The following GALNT17 variants were observed in gnomAD, a reference collection of about 807,000 sequenced individuals.
GALNT17 encodes the protein polypeptide N-acetylgalactosaminyltransferase 17.
In GALNT17, 29 loss-of-function variants were observed where a neutral mutation model predicts 63.7. That is an observed-to-expected ratio of 0.46 (90% CI 0.34 to 0.62). GALNT17 has a LOEUF of 0.62. Among genes scored for constraint, GALNT17 ranks in the 20% least tolerant of loss-of-function variants. The pLI, the probability that GALNT17 is intolerant of heterozygous loss-of-function variation, is 0.01. For missense variants in GALNT17, 603 were observed against 799.6 expected (o/e 0.75, Z 2.97); for synonymous variants, 305 against 318.3 (o/e 0.96, Z 0.45).
intron 1 of GALNT17, among the ~76,000 whole-genome samples, chr7:71,295,660 A>G (rs1225732334): frequency 1.3e-5 from 2 of 150,976 alleles, no homozygotes; most frequent in Admixed American, 1.3e-4. Context: ...GTTCCATAGA[A>G]TGGTCATAGC....
At position 71,358,415 on chromosome 7, in the gene GALNT17, A is replaced by G. The variant is rs188604983; in HGVS notation, c.422+22682A>G. Among the ~76,000 whole-genome samples, 14 of 152,154 alleles carry G rather than the reference A, an allele frequency of 9.2e-5. No homozygotes were observed. In the East Asian group the frequency reaches 2.7e-3, roughly 29 times the overall value. On this transcript the variant is annotated intron_variant, in intron 2 of 10. Coordinates refer to ENST00000333538, the MANE Select transcript of GALNT17 (RefSeq NM_022479.3). ...GTCTCAAAAAATAAATAAATAAATA[A>G]AGTTGTTTGTTACAGAACCTGATCT... is the stretch of plus-strand genomic sequence containing the variant.
chr7:71,361,910 G>A (rs1320573138), intron 2 of GALNT17, among the ~76,000 whole-genome samples: 1 of 152,114 alleles, frequency 6.6e-6, no homozygotes, highest in Non-Finnish European at 1.5e-5. Context: ...GCTAGGTGCT[G>A]TTCATGGCTG....
chr7:71,393,658 G>A (rs140674160), intron 3 of GALNT17, among the ~76,000 whole-genome samples: 72 of 152,186 alleles, frequency 4.7e-4, no homozygotes, highest in African/African-American at 1.7e-3. Context: ...CAGGGAATGG[G>A]TGTACAAAGC....
At chr7:71,539,527 A>G (rs1195628645) in intron 5 of GALNT17, among the ~76,000 whole-genome samples, 1 of 152,090 alleles carries the variant, frequency 6.6e-6, no homozygotes, top group African/African-American at 2.4e-5. Context: ...GCACTCATGA[A>G]TATACATGGT....
chr7:71,332,235 C>T (rs569614526), intron 1 of GALNT17, among the ~76,000 whole-genome samples: 2 of 151,932 alleles, frequency 1.3e-5, no homozygotes, highest in Admixed American at 6.6e-5. Flanking sequence ...ATTTTTGCCC[C>T]TAGTTCTGAG....
At chr7:71,473,307 G>T (rs1003347839) in intron 5 of GALNT17, among the ~76,000 whole-genome samples, 2 of 152,290 alleles carry the variant, frequency 1.3e-5, no homozygotes. Flanking sequence ...CCTTAATTTA[G>T]TGTCAGACTC....
At chr7:71,420,387 T>TCACACA (rs141166051) in intron 4 of GALNT17, among the ~76,000 whole-genome samples, 4 of 151,328 alleles carry the variant, frequency 2.6e-5, no homozygotes, top group African/African-American at 4.9e-5. Context: ...ACTGAAATAA[T>TCACACA]CACACACACA....
intron 6 of GALNT17, among the ~76,000 whole-genome samples, chr7:71,572,154 A>C (rs1789453742): frequency 6.6e-6 from 1 of 151,870 alleles, no homozygotes; most frequent in African/African-American, 2.4e-5. Context: ...AGTCAGGAGG[A>C]TCACATGAGC....
At chr7:71,325,518 C>G (rs1791690218) in intron 1 of GALNT17, among the ~76,000 whole-genome samples, 1 of 152,160 alleles carries the variant, frequency 6.6e-6, no homozygotes, top group Admixed American at 6.5e-5. Flanking sequence ...ATCTCTATTT[C>G]TAAAAGAATA....
intron 1 of GALNT17, among the ~76,000 whole-genome samples, chr7:71,216,171 C>T (rs1789474511): frequency 6.6e-6 from 1 of 151,958 alleles, no homozygotes; most frequent in African/African-American, 2.4e-5. Flanking sequence ...GAGCCAAGAT[C>T]GCACCATTGC....
At chr7:71,180,457 C>T (rs1441251147) in intron 1 of GALNT17, among the ~76,000 whole-genome samples, 3 of 152,068 alleles carry the variant, frequency 2.0e-5, no homozygotes, top group East Asian at 3.9e-4. Context: ...TAAGAAGTCA[C>T]GTGCAGATGA....
chr7:71,614,346 T>C (rs1197811431), intron 6 of GALNT17, among the ~76,000 whole-genome samples: 1 of 151,664 alleles, frequency 6.6e-6, no homozygotes, highest in Admixed American at 6.6e-5. Flanking sequence ...TTCCAAATTA[T>C]GGATGCTCAG....
intron 6 of GALNT17, among the ~76,000 whole-genome samples, chr7:71,608,230 C>T (rs976929641): frequency 2.6e-5 from 4 of 152,144 alleles, no homozygotes; most frequent in African/African-American, 9.7e-5. Context: ...TTTCAGGTCA[C>T]TGCAGCAGGA....
intron 1 of GALNT17, among the ~76,000 whole-genome samples, chr7:71,203,732 C>T (rs193026001): frequency 1.2e-4 from 19 of 152,122 alleles, no homozygotes; most frequent in East Asian, 3.9e-4. Context: ...TGGCAGAAGG[C>T]GAAGGGGGAG....
At chr7:71,520,204 C>T (rs1276302163) in intron 5 of GALNT17, among the ~76,000 whole-genome samples, 1 of 152,048 alleles carries the variant, frequency 6.6e-6, no homozygotes, top group African/African-American at 2.4e-5. Context: ...CGTGGGCTCT[C>T]CAAGGATGCT....
At chr7:71,538,485 A>G (rs1487319840) in intron 5 of GALNT17, among the ~76,000 whole-genome samples, 1 of 152,304 alleles carries the variant, frequency 6.6e-6, no homozygotes, top group African/African-American at 2.4e-5. Context: ...TTACAGAGCA[A>G]AGTGCACCAA....
At chr7:71,464,696 G>T (rs1292068616) in intron 5 of GALNT17, among the ~76,000 whole-genome samples, 1 of 152,082 alleles carries the variant, frequency 6.6e-6, no homozygotes, top group Non-Finnish European at 1.5e-5. Flanking sequence ...CTAGTCTCAG[G>T]CTCCCCACTT....
intron 6 of GALNT17, among the ~76,000 whole-genome samples, chr7:71,583,837 C>A (rs1478546106): frequency 6.6e-6 from 1 of 151,986 alleles, no homozygotes; most frequent in East Asian, 1.9e-4. Flanking sequence ...AGACTAAGGT[C>A]CTCCTGGCTG....
intron 1 of GALNT17, among the ~76,000 whole-genome samples, chr7:71,326,933 A>G (rs529923997): frequency 1.2e-3 from 183 of 152,308 alleles, no homozygotes; most frequent in Non-Finnish European, 2.1e-3. Flanking sequence ...TAAATATACT[A>G]CAATATTTAA....
Sources: allele counts gnomAD v4.1 joint callset (sites outside exome capture counted in the v4.1 genomes callset), GRCh38; gene constraint gnomAD v4.1.1; transcripts MANE v1.5; gene names NCBI Gene and HGNC (gene_info 2026-07-23, HGNC 2026-07-21).